Variants in ALDH1A1 observed in about 807,000 individuals in gnomAD.
ALDH1A1 encodes aldehyde dehydrogenase 1 family member A1.
ALDH1A1 carries 19 observed loss-of-function variants against 62.1 expected under a neutral mutation model. That is an observed-to-expected ratio of 0.31 (90% CI 0.21 to 0.45). The LOEUF is 0.45. Among genes scored for constraint, ALDH1A1 ranks in the 20% least tolerant of loss-of-function variants. The probability of loss-of-function intolerance (pLI) is 1.00; values close to 1 mark genes in which losing one functional copy is unlikely to be tolerated. For missense variants in ALDH1A1, 521 were observed against 607.1 expected (o/e 0.86, Z 1.49); for synonymous variants, 231 against 215.9 (o/e 1.07, Z -0.61).
In ALDH1A1 at chr9:72,928,877, C is replaced by G. The variant is rs371005898; in HGVS notation, c.442+15G>C. 8 of 1,612,332 alleles carry G rather than the reference C, an allele frequency of 5.0e-6. No homozygotes were observed. The African/African-American group carries it at 1.1e-4, about 22-fold the overall frequency. ...CTCCTATCCTCACCATTAGTGGTTT[C>G]TCAAAGATACTTACCAATTGGTATT... is the stretch of plus-strand genomic sequence containing the variant. On this transcript the variant is annotated intron_variant, in intron 4 of 12. Transcript: ENST00000297785.
At chr9:72,912,580 C>A (rs1052560064) in intron 9 of ALDH1A1, among the ~76,000 whole-genome samples, 1 of 152,092 alleles carries the variant, frequency 6.6e-6, no homozygotes, top group African/African-American at 2.4e-5. Flanking sequence ...AGAAGACTCC[C>A]GAGCCTCTGT....
At chr9:72,935,028 TG>T (rs1830331498) in intron 2 of ALDH1A1, among the ~76,000 whole-genome samples, 1 of 152,224 alleles carries the variant, frequency 6.6e-6, no homozygotes. Flanking sequence ...TTTGGTTACC[TG>T]TTTTATAAAC....
chr9:72,925,016 A>G (rs965375227), intron 6 of ALDH1A1, among the ~76,000 whole-genome samples: 1 of 152,240 alleles, frequency 6.6e-6, no homozygotes, highest in Non-Finnish European at 1.5e-5. Context: ...TCCACTCATG[A>G]GTAGATTGAA....
At chr9:72,952,717 G>A (rs1167327105) in intron 1 of ALDH1A1, among the ~76,000 whole-genome samples, 2 of 151,808 alleles carry the variant, frequency 1.3e-5, no homozygotes, top group Non-Finnish European at 2.9e-5. Flanking sequence ...CCTTTCGCTT[G>A]GAAATATTTT....
At chr9:72,901,352 G>T in intron 12 of ALDH1A1, 72 bp from the exon 13 acceptor site, 1 of 1,093,850 alleles carries the variant, frequency 9.1e-7, no homozygotes, top group Non-Finnish European at 1.4e-6. Context: ...GTTCATGTTT[G>T]GTACGAGTTT....
chr9:72,942,250 G>C (rs1292943219), intron 1 of ALDH1A1: 1 of 959,064 alleles, frequency 1.0e-6, no homozygotes, highest in Non-Finnish European at 1.2e-6. Context: ...TTACAGCTTA[G>C]TATTTTTCTT....
chr9:72,948,114 G>A (rs547594088), intron 1 of ALDH1A1, among the ~76,000 whole-genome samples: 3 of 151,946 alleles, frequency 2.0e-5, no homozygotes, highest in African/African-American at 7.2e-5. Context: ...AAGCTCCAGG[G>A]GATGAGAAGC....
In ALDH1A1 at chr9:72,930,865, T is replaced by C. The variant is rs748551696; in HGVS notation, c.312+14A>G. 1 of 1,613,734 alleles carries C rather than the reference T, an allele frequency of 6.2e-7. No homozygotes were observed. Among genetic ancestry groups the C allele is most frequent in the South Asian group, 1.1e-5 (1 of 91,006 alleles). On this transcript the variant is annotated intron_variant, in intron 3 of 12. Coordinates refer to ENST00000297785, the MANE Select transcript of ALDH1A1 (RefSeq NM_000689.5). ...GAGAGCTCTAGCTACCCATCCAGCT[T>C]GGATAATACTCACCGCCAGCAGCAG...
At position 72,945,220 on chromosome 9, in the gene ALDH1A1, C is replaced by T. The variant is rs115749275; in HGVS notation, c.67-4968G>A. Among the ~76,000 whole-genome samples, 486 of 152,054 alleles carry T rather than the reference C, an allele frequency of 3.2e-3. 2 individuals carry two copies. The highest frequency in any genetic ancestry group is 0.011 in the African/African-American group (465 of 41,498). ...AGTTTTGACTAGTGGCAAAATAAAG[C>T]CCTATTTGCCTTATCTGCTGATATG... On this transcript the variant is annotated intron_variant, in intron 1 of 12. Coordinates refer to ENST00000297785, the MANE Select transcript of ALDH1A1 (RefSeq NM_000689.5).
chr9:72,927,254 A>G (rs1355702515), intron 4 of ALDH1A1, 77 bp from the exon 5 acceptor site: 3 of 1,039,404 alleles, frequency 2.9e-6, no homozygotes, highest in Admixed American at 4.1e-5. Flanking sequence ...GTGATGTGAG[A>G]GAAAGGTGTA....
chr9:72,908,554 AGAAAG>A lies in ALDH1A1; in HGVS notation c.1358+1043_1358+1047del, dbSNP rs1564622486. ...AAGAAAGAAAGAAAGAAAAGAAAGA[AGAAAG>A]AAAGAAAGAAAGAAAGAAAGAAAGA... On this transcript the variant is annotated intron_variant, in intron 11 of 12. Coordinates refer to ENST00000297785, the MANE Select transcript of ALDH1A1 (RefSeq NM_000689.5). 1.4e-3 allele frequency among the ~76,000 whole-genome samples: 5 copies of A among 3,544 alleles called. 1 individual carries two copies. The highest frequency in any genetic ancestry group is 2.2e-3 in the Non-Finnish European group (3 of 1,366). 2.3% of individuals were successfully genotyped at this position (3,544 alleles called of 152,430 possible).
intron 7 of ALDH1A1, among the ~76,000 whole-genome samples, chr9:72,921,491 TCA>T (rs1830142159): frequency 1.3e-5 from 2 of 149,276 alleles, no homozygotes; most frequent in South Asian, 4.2e-4. Flanking sequence ...ATCGTGTTAT[TCA>T]CATTTAATTC....
chr9:72,908,559 GAAAGAAAGAAAGAAAGAAAGAAAGA>G (rs1829922456), intron 11 of ALDH1A1, among the ~76,000 whole-genome samples: 11 of 8,660 alleles, frequency 1.3e-3, no homozygotes, highest in South Asian at 9.1e-3. Context: ...AAAGAAGAAA[GAAAGAAAGAAAGAAAGAAAGAAAGA>G]AAGAAAGAAA....
intron 11 of ALDH1A1, among the ~76,000 whole-genome samples, chr9:72,907,738 G>GT (rs1440583659): frequency 6.6e-6 from 1 of 152,188 alleles, no homozygotes; most frequent in East Asian, 1.9e-4. Flanking sequence ...CAAGGTATGC[G>GT]TAAGATTGCG....
intron 1 of ALDH1A1, among the ~76,000 whole-genome samples, chr9:72,941,381 T>C (rs376646010): frequency 4.6e-5 from 7 of 152,166 alleles, no homozygotes; most frequent in African/African-American, 1.7e-4. Context: ...TAAAATTCTA[T>C]CAGAGTAATA....
intron 6 of ALDH1A1, 23 bp from the exon 7 acceptor site, chr9:72,924,155 G>T (rs954955325): frequency 7.1e-6 from 11 of 1,547,202 alleles, no homozygotes; most frequent in Middle Eastern, 1.7e-4. Flanking sequence ...AAGTTTAAAA[G>T]TTACAGTATA....
At chr9:72,907,151 A>G (rs577044331) in intron 11 of ALDH1A1, among the ~76,000 whole-genome samples, 2 of 152,340 alleles carry the variant, frequency 1.3e-5, no homozygotes, top group African/African-American at 4.8e-5. Flanking sequence ...ACTGGACCAT[A>G]AAGTTCTTAA....
chr9:72,930,915 C>T lies in ALDH1A1; in HGVS notation c.276G>A (p.Leu92=), dbSNP rs766524814. 25 of 1,614,016 alleles carry T rather than the reference C, an allele frequency of 1.5e-5. No individual in the cohort carries two copies. The highest frequency in any genetic ancestry group is 2.0e-5 in the Non-Finnish European group (24 of 1,179,960). The change falls in exon 3 of 13, where the codon TTG becomes TTA. Residue 92 remains leucine, a synonymous_variant. Coordinates refer to ENST00000297785, the MANE Select transcript of ALDH1A1 (RefSeq NM_000689.5). The part of the protein sequence containing the change: ...ASERGRLLYK[L]ADLIERDRLL... ...GACGATCTCTTTCGATTAAATCAGCCAACTTGTATAATAGTCGCCCCCTCT... is the reference window on the plus strand; with the variant it reads ...GACGATCTCTTTCGATTAAATCAGCTAACTTGTATAATAGTCGCCCCCTCT...
Position 72,930,872 on chromosome 9 carries a change from TACTC to T in ALDH1A1, c.312+3_312+6del, listed in dbSNP as rs762387843. On this transcript the variant is annotated splice_donor_5th_base_variant and intron_variant, in intron 3 of 12. Transcript: ENST00000297785. ...CTAGCTACCCATCCAGCTTGGATAA[TACTC>T]ACCGCCAGCAGCAGACGATCTCTTT... 3.1e-6 allele frequency: 5 copies of T among 1,613,826 alleles called. No homozygotes were observed. The highest frequency in any genetic ancestry group is 2.5e-6 in the Non-Finnish European group (3 of 1,179,900).
Sources: allele counts gnomAD v4.1 joint callset (sites outside exome capture counted in the v4.1 genomes callset), GRCh38; gene constraint gnomAD v4.1.1; transcripts MANE v1.5; gene names NCBI Gene and HGNC (gene_info 2026-07-23, HGNC 2026-07-21).